KNL1: variants seen among roughly 807,000 people sequenced by gnomAD.
KNL1 encodes kinetochore scaffold 1.
In KNL1, 66 loss-of-function variants were observed where a neutral mutation model predicts 201.3. The observed-to-expected ratio is 0.33, with a 90% CI of 0.27 to 0.40. KNL1 has a LOEUF of 0.40. KNL1 is among the 10% of genes least tolerant of loss of function. The pLI is 1.00. For missense variants in KNL1, 2,815 were observed against 2,690.5 expected (o/e 1.05, Z -1.02); for synonymous variants, 895 against 899.2 (o/e 1.00, Z 0.08).
chr15:40,662,411 C>T lies in KNL1; in HGVS notation c.*223C>T, dbSNP rs1468470893. 4.6e-6 allele frequency: 2 copies of T among 434,976 alleles called. No individual in the cohort carries two copies. Among genetic ancestry groups the T allele is most frequent in the Non-Finnish European group, 8.2e-6 (2 of 243,114 alleles). The allele number at this position is 434,976 out of a possible 1,614,324, so 26.9% of individuals were successfully genotyped here. On this transcript the variant is annotated 3_prime_UTR_variant, in exon 26 of 26. Transcript: ENST00000399668. ...ACTATCAACTTACTCATCTTTGTAC[C>T]AAAGGTTTAAGTAATAGGACACTTA...
intron 15 of KNL1, 105 bp downstream of exon 15, chr15:40,645,192 C>T: frequency 1.4e-6 from 1 of 721,248 alleles, no homozygotes; most frequent in Non-Finnish European, 2.3e-6. Flanking sequence ...AGTTATTTAA[C>T]TTATTTTTTA....
intron 7 of KNL1, among the ~76,000 whole-genome samples, chr15:40,612,195 A>G (rs1595918644): frequency 6.6e-6 from 1 of 152,284 alleles, no homozygotes; most frequent in Middle Eastern, 3.4e-3. Flanking sequence ...GGGCGCCTGT[A>G]GTCCCAGCTA....
chr15:40,639,355 G>A (rs968307664), intron 13 of KNL1, among the ~76,000 whole-genome samples: 2 of 151,192 alleles, frequency 1.3e-5, no homozygotes, highest in African/African-American at 4.9e-5. Context: ...GGAAGCCGAG[G>A]TGGGCAGATC....
intron 21 of KNL1, 79 bp downstream of exon 21, chr15:40,652,184 C>G (rs1294738694): frequency 7.8e-6 from 7 of 901,502 alleles, no homozygotes; most frequent in Non-Finnish European, 1.1e-5. Context: ...CTTTATTTTA[C>G]TATACTGATA....
chr15:40,610,044 A>T (rs1488986396), intron 5 of KNL1, among the ~76,000 whole-genome samples: 1 of 152,196 alleles, frequency 6.6e-6, no homozygotes, highest in Admixed American at 6.5e-5. Context: ...GTTTAAAATC[A>T]AAAATAAAAA....
chr15:40,647,089 A>C lies in KNL1; in HGVS notation c.6094+15A>C. The C allele has an allele frequency of 7.8e-7, 1 of 1,273,986 alleles. No individual in the cohort carries two copies. Among genetic ancestry groups the C allele is most frequent in the Non-Finnish European group, 1.1e-6 (1 of 874,334 alleles). 78.9% of individuals were successfully genotyped at this position (1,273,986 alleles called of 1,614,324 possible). On this transcript the variant is annotated intron_variant, in intron 17 of 25. Transcript: ENST00000399668. ...GATGGAAACAGGTAAAGTATTTTAA[A>C]TACTTTTCCAAAAGAAAATTTAATT... is the stretch of plus-strand genomic sequence containing the variant.
chr15:40,623,664 A>G lies in KNL1; in HGVS notation c.3400A>G (p.Thr1134Ala). ...CATGGAGATCACTAGGAGTCACACA[A>G]CTGCCTTAGAATGTAAAACTCTCCT... ...DDMEITRSHT[T>A]ALECKTLLPN... The change falls in exon 10 of 26, where the codon ACT (threonine) becomes GCT (alanine). Residue 1134 changes from threonine (T) to alanine (A), a missense_variant. Thr to Ala is a moderately conservative substitution (Grantham distance 58). This residue lies in a region of KNL1 where 2,464 missense variants were observed against 2,291.7 expected (regional missense o/e 1.08). Coordinates refer to ENST00000399668, the MANE Select transcript of KNL1 (RefSeq NM_144508.5). 6.2e-7 allele frequency: 1 copy of G among 1,613,918 alleles called. No individual in the cohort carries two copies. The highest frequency in any genetic ancestry group is 8.5e-7 in the Non-Finnish European group (1 of 1,179,880).
rs779036620 is a variant in KNL1 at position 40,623,560 on chromosome 15, A to G, written c.3296A>G (p.Glu1099Gly). Residue 1099 changes from glutamate (E) to glycine (G), a missense_variant, in exon 10 of 26, where the codon GAA becomes GGA. Transcript: ENST00000399668. Reference sequence around the variant, plus strand: ...AGTTGTATGGTGGAAATAGATAACGAAAGTGCCCTGGAGGATAAAGAGGAC... The same window carrying G: ...AGTTGTATGGTGGAAATAGATAACGGAAGTGCCCTGGAGGATAAAGAGGAC... ...TQSCMVEIDN[E>G]SALEDKEDFH... The G allele has an allele frequency of 3.4e-5, 55 of 1,613,602 alleles. No individual in the cohort carries two copies. Among genetic ancestry groups the G allele is most frequent in the Non-Finnish European group, 4.4e-5 (52 of 1,179,936 alleles).
intron 10 of KNL1, among the ~76,000 whole-genome samples, chr15:40,627,404 C>G (rs1892786159): frequency 6.6e-6 from 1 of 151,756 alleles, no homozygotes; most frequent in Non-Finnish European, 1.5e-5. Flanking sequence ...GTTCCAGCTA[C>G]TCAGGAGACT....
intron 2 of KNL1, among the ~76,000 whole-genome samples, chr15:40,604,116 TATCATCATC>T (rs71104704): frequency 1.3e-4 from 20 of 149,434 alleles, no homozygotes; most frequent in Middle Eastern, 3.2e-3. Flanking sequence ...CTGTCTCACA[TATCATCATC>T]ATCATCATCA....
Position 40,621,442 on chromosome 15 carries a change from C to A in KNL1, c.1178C>A (p.Ala393Glu), listed in dbSNP as rs1325432923. The A allele has an allele frequency of 6.2e-6, 10 of 1,613,654 alleles. No homozygotes were observed. Among genetic ancestry groups the A allele is most frequent in the South Asian group, 2.2e-5 (2 of 91,058 alleles). ...ATTACCAGAAGTCATATTATGGGGG[C>A]AGAAACTCACATAGTCTCACAGACT... Reference protein sequence around the residue: ...IHITRSHIMGAETHIVSQTCN... With the variant: ...IHITRSHIMGEETHIVSQTCN... Residue 393 changes from alanine (A) to glutamate (E), a missense_variant, in exon 10 of 26, where the codon GCA (alanine) becomes GAA (glutamate). Transcript: ENST00000399668.
chr15:40,611,106 G>A (rs1238985134), intron 6 of KNL1, among the ~76,000 whole-genome samples: 1 of 79,308 alleles, frequency 1.3e-5, no homozygotes, highest in African/African-American at 6.2e-5. Flanking sequence ...AAATTTTATT[G>A]TATTTTTTTT....
chr15:40,650,626 A>C, intron 19 of KNL1, 43 bp downstream of exon 19: 1 of 1,500,668 alleles, frequency 6.7e-7, no homozygotes, highest in Non-Finnish European at 8.9e-7. Context: ...ATGCTAAATC[A>C]CAGAAGGCTA....
intron 22 of KNL1, among the ~76,000 whole-genome samples, chr15:40,655,408 A>G (rs1186506632): frequency 1.3e-5 from 2 of 151,898 alleles, no homozygotes; most frequent in Admixed American, 1.3e-4. Flanking sequence ...CCTGGCCAAC[A>G]TGATGAAACC....
chr15:40,595,517 C>A (rs2141689101), intron 1 of KNL1, among the ~76,000 whole-genome samples: 1 of 152,266 alleles, frequency 6.6e-6, no homozygotes, highest in East Asian at 1.9e-4. Context: ...GGCTGGAAAT[C>A]TTTACAAGAT....
chr15:40,661,605 G>C lies in KNL1; in HGVS notation c.6837-469G>C, dbSNP rs28709448. ...ATACTTCACAATTACATATAGAATT[G>C]GTTCTTAGGCCCTGTTTTGGAATCC... On this transcript the variant is annotated intron_variant, in intron 25 of 25. Transcript: ENST00000399668. Among the ~76,000 whole-genome samples, 313 of 152,172 alleles carry C rather than the reference G, an allele frequency of 2.1e-3. 1 individual carries two copies. The highest frequency in any genetic ancestry group is 3.8e-3 in the Non-Finnish European group (260 of 67,998).
intron 21 of KNL1, among the ~76,000 whole-genome samples, chr15:40,652,971 C>T (rs1893616149): frequency 1.3e-5 from 2 of 152,038 alleles, no homozygotes; most frequent in Non-Finnish European, 2.9e-5. Context: ...GTCAACATGG[C>T]CAACCATGGG....
rs537024945 is a variant in KNL1, at chr15:40,621,699, T to C, written c.1435T>C (p.Ser479Pro). 6.2e-7 allele frequency: 1 copy of C among 1,611,220 alleles called. No individual in the cohort carries two copies. Among genetic ancestry groups the C allele is most frequent in the South Asian group, 1.1e-5 (1 of 90,996 alleles). Residue 479 changes from serine (S) to proline (P), a missense_variant, in exon 10 of 26, where the codon TCC (serine) becomes CCC (proline). By Grantham distance (74) the Ser-to-Pro change is moderately conservative (BLOSUM62 -1). Transcript: ENST00000399668. ...MSSLTEKTIY[S>P]GEENMDITKS... ...TTCTCTCACAGAGAAAACTATTTAT[T>C]CCGGAGAGGAGAACATGGACATTAC...
chr15:40,656,992 T>A, intron 22 of KNL1, 50 bp from the exon 23 acceptor site: 1 of 796,286 alleles, frequency 1.3e-6, no homozygotes, highest in South Asian at 1.8e-5. Context: ...ATATAAAATA[T>A]ATGAATCATA....
Sources: allele counts gnomAD v4.1 joint callset (sites outside exome capture counted in the v4.1 genomes callset), GRCh38; gene constraint gnomAD v4.1.1; regional missense constraint gnomAD v4.1.1; transcripts MANE v1.5; gene names NCBI Gene and HGNC (gene_info 2026-07-23, HGNC 2026-07-21).